Variants in MREG observed in about 807,000 individuals in gnomAD.
The protein encoded by MREG is melanoregulin.
Under a neutral mutation model 28.5 loss-of-function variants are expected in MREG, and 31 were observed. The ratio of observed to expected loss-of-function variants is 1.09; its 90% CI spans 0.82 to 1.47. The LOEUF is 1.47. Ranked by LOEUF, MREG falls within the 40% of genes most tolerant of loss-of-function variation. MREG has a pLI of 0.00. For missense variants in MREG, 256 were observed against 257.4 expected (o/e 0.99, Z 0.04); for synonymous variants, 106 against 95.2 (o/e 1.11, Z -0.66).
At chr2:215,993,945 C>G (rs930865802) in intron 2 of MREG, among the ~76,000 whole-genome samples, 1 of 152,178 alleles carries the variant, frequency 6.6e-6, no homozygotes, top group Non-Finnish European at 1.5e-5. Flanking sequence ...GAAATAGGAA[C>G]ACTTTTACAC....
chr2:215,959,128 C>T (rs1178207142), intron 2 of MREG, among the ~76,000 whole-genome samples: 2 of 152,112 alleles, frequency 1.3e-5, no homozygotes, highest in Non-Finnish European at 2.9e-5. Flanking sequence ...TTTCCTAAGT[C>T]TCTGTCTTAG....
downstream of MREG, among the ~76,000 whole-genome samples, chr2:215,942,161 C>A (rs1692205520): frequency 6.6e-6 from 1 of 152,126 alleles, no homozygotes; most frequent in Admixed American, 6.6e-5. Context: ...TCTCCTGGTG[C>A]ATTTTAAAAT....
chr2:216,018,469 A>G (rs1177511848), upstream of MREG, among the ~76,000 whole-genome samples: 1 of 152,184 alleles, frequency 6.6e-6, no homozygotes, highest in East Asian at 1.9e-4. Flanking sequence ...AAGAAAACAG[A>G]AAAAGAGCTA....
intron 1 of MREG, among the ~76,000 whole-genome samples, chr2:215,999,816 C>A (rs1045942393): frequency 6.6e-6 from 1 of 152,088 alleles, no homozygotes; most frequent in Non-Finnish European, 1.5e-5. Context: ...ACATGATGAG[C>A]CTGCAGGATG....
chr2:215,958,836 CA>C (rs1692704162), intron 2 of MREG, among the ~76,000 whole-genome samples: 3 of 152,188 alleles, frequency 2.0e-5, no homozygotes. Flanking sequence ...CCCTTCTTAA[CA>C]TGCTTTCTAG....
chr2:216,015,139 G>A (rs200519267), upstream of MREG, among the ~76,000 whole-genome samples: 1 of 73,512 alleles, frequency 1.4e-5, no homozygotes, highest in Non-Finnish European at 2.5e-5. Flanking sequence ...GCGCGCGTGC[G>A]TCTGTGCGTG....
In MREG at chr2:215,945,711, A is replaced by G. The variant is rs1692301850; in HGVS notation, c.370T>C (p.Leu124=). 1 of 1,613,584 alleles carries G rather than the reference A, an allele frequency of 6.2e-7. No individual in the cohort carries two copies. Among genetic ancestry groups the G allele is most frequent in the Non-Finnish European group, 8.5e-7 (1 of 1,179,740 alleles). Residue 124 remains leucine (L), a synonymous_variant, in exon 4 of 5, where the codon TTG becomes CTG. Coordinates refer to ENST00000263268, the MANE Select transcript of MREG (RefSeq NM_018000.3). Reference sequence around the variant, plus strand: ...GTGCTGAGTTTAGTCACTGACAACAAAGAGTCAGCTTCCTTTTGAAAACCT... The same window carrying G: ...GTGCTGAGTTTAGTCACTGACAACAGAGAGTCAGCTTCCTTTTGAAAACCT... ...DLGFQKEADS[L]LSVTKLSTIS...
downstream of MREG, chr2:215,941,721 C>T (rs1220044812): frequency 6.6e-6 from 1 of 152,168 alleles, no homozygotes; most frequent in Non-Finnish European, 1.5e-5. Context: ...TCCTGATCAC[C>T]CATCCTTGAG....
intron 2 of MREG, among the ~76,000 whole-genome samples, chr2:215,966,311 G>A (rs934151): frequency 0.89 from 134,822 of 152,166 alleles, 59,781 homozygotes; most frequent in Non-Finnish European, 0.9. Flanking sequence ...TGCTCATCCC[G>A]CCCCACTTCC....
intron 2 of MREG, among the ~76,000 whole-genome samples, chr2:215,957,643 T>C (rs1223405511): frequency 1.3e-5 from 2 of 152,118 alleles, no homozygotes; most frequent in Non-Finnish European, 2.9e-5. Flanking sequence ...GATACTTTTC[T>C]GAAAGGAGGT....
chr2:215,965,626 G>T (rs1353159086), intron 2 of MREG, among the ~76,000 whole-genome samples: 1 of 152,302 alleles, frequency 6.6e-6, no homozygotes, highest in East Asian at 1.9e-4. Context: ...ATTCCTCCAG[G>T]ATACCTATCA....
chr2:216,005,381 G>T (rs751874996), intron 1 of MREG, among the ~76,000 whole-genome samples: 19 of 143,766 alleles, frequency 1.3e-4, no homozygotes, highest in Non-Finnish European at 1.8e-4. Flanking sequence ...AGGAGATAAG[G>T]GGCTGGCAAT....
chr2:216,006,880 C>T (rs1694169144), intron 1 of MREG, among the ~76,000 whole-genome samples: 2 of 152,164 alleles, frequency 1.3e-5, no homozygotes, highest in South Asian at 4.1e-4. Flanking sequence ...CACCTGGTTT[C>T]CCTAGCTTCA....
chr2:216,002,842 CT>C (rs765798269), intron 1 of MREG, among the ~76,000 whole-genome samples: 1 of 142,374 alleles, frequency 7.0e-6, no homozygotes, highest in African/African-American at 2.7e-5. Flanking sequence ...TTTCTTCCCC[CT>C]CTCTCTTCCT....
chr2:215,952,440 A>G (rs1462444732), intron 2 of MREG, among the ~76,000 whole-genome samples: 1 of 152,224 alleles, frequency 6.6e-6, no homozygotes, highest in African/African-American at 2.4e-5. Context: ...CATGTTGTAT[A>G]TCTTGAATAT....
intron 2 of MREG, among the ~76,000 whole-genome samples, chr2:215,953,385 T>C (rs1321698284): frequency 7.2e-5 from 11 of 152,288 alleles, no homozygotes; most frequent in Admixed American, 4.6e-4. Context: ...CCCAGACCAA[T>C]GACATCAGAA....
chr2:216,013,239 A>C lies in MREG; in HGVS notation c.89T>G (p.Leu30Arg). 1 of 1,549,200 alleles carries C rather than the reference A, an allele frequency of 6.5e-7. No individual in the cohort carries two copies. The highest frequency in any genetic ancestry group is 8.7e-7 in the Non-Finnish European group (1 of 1,146,596). ...EERALPEKEP[L>R]VSDNNPYSSF... is the part of the protein sequence containing the mutation. ...GCCCGGGCGGCGCACCCACCTGACG[A>C]GGGGCTCCTTCTCAGGCAGGGCGCG... Residue 30 changes from leucine (L) to arginine (R), a missense_variant, in exon 1 of 5, where the codon CTC becomes CGC. By Grantham distance (102) the Leu-to-Arg change is moderately radical. Coordinates refer to ENST00000263268, the MANE Select transcript of MREG (RefSeq NM_018000.3).
At chr2:215,951,269 A>G (rs1341394833) in intron 2 of MREG, among the ~76,000 whole-genome samples, 1 of 152,228 alleles carries the variant, frequency 6.6e-6, no homozygotes, top group East Asian at 1.9e-4. Context: ...TTATCCAATT[A>G]CATCTCTCCA....
At chr2:215,955,483 A>T (rs1019684971) in intron 2 of MREG, among the ~76,000 whole-genome samples, 4 of 152,238 alleles carry the variant, frequency 2.6e-5, no homozygotes, top group African/African-American at 9.6e-5. Flanking sequence ...TGCTGCTAGG[A>T]CAATGACAAC....
Sources: allele counts gnomAD v4.1 joint callset (sites outside exome capture counted in the v4.1 genomes callset), GRCh38; gene constraint gnomAD v4.1.1; transcripts MANE v1.5; gene names NCBI Gene and HGNC (gene_info 2026-07-23, HGNC 2026-07-21).